The following VPS13D variants were observed in gnomAD, a reference collection of about 807,000 sequenced individuals.
VPS13D encodes the protein vacuolar protein sorting 13 homolog D, also known as intermembrane lipid transfer protein VPS13D.
Under a neutral mutation model 461.9 loss-of-function variants are expected in VPS13D, and 187 were observed. The observed-to-expected ratio is 0.40, with a 90% confidence interval of 0.36 to 0.46. The LOEUF is 0.46. VPS13D is among the 20% of genes least tolerant of loss of function. VPS13D has a pLI of 0.60. For synonymous variants in VPS13D, 1,951 were observed against 1,986.3 expected (o/e 0.98, Z 0.47); for missense variants, 4,711 against 5,364.9 (o/e 0.88, Z 3.81).
intron 13 of VPS13D, among the ~76,000 whole-genome samples, chr1:12,265,602 C>G (rs753195720): frequency 6.6e-6 from 1 of 152,146 alleles, no homozygotes; most frequent in Non-Finnish European, 1.5e-5. Flanking sequence ...GTCAAAATAT[C>G]AGCATTAACA....
intron 66 of VPS13D, among the ~76,000 whole-genome samples, chr1:12,458,699 G>T (rs879533498): frequency 1.4e-4 from 22 of 152,150 alleles, no homozygotes; most frequent in Non-Finnish European, 2.6e-4. Flanking sequence ...TCTCACTAGA[G>T]CTGAAGAGTC....
chr1:12,234,051 C>T (rs1000952207), intron 1 of VPS13D, 140 bp from the exon 2 acceptor site: 6 of 411,520 alleles, frequency 1.5e-5, no homozygotes, highest in Non-Finnish European at 2.7e-5. Flanking sequence ...TGTCTCAAAA[C>T]AAAAACAAAA....
chr1:12,340,990 C>T (rs1643556185), intron 40 of VPS13D, among the ~76,000 whole-genome samples: 1 of 152,232 alleles, frequency 6.6e-6, no homozygotes, highest in Non-Finnish European at 1.5e-5. Context: ...GCCAAAGCAG[C>T]TGGGGCACCA....
intron 67 of VPS13D, among the ~76,000 whole-genome samples, chr1:12,490,999 A>T (rs115801236): frequency 2.0e-5 from 3 of 152,332 alleles, no homozygotes; most frequent in African/African-American, 7.2e-5. Flanking sequence ...TCTTAGAGAA[A>T]TGACAAATGT....
chr1:12,341,951 T>C, intron 41 of VPS13D, 66 bp downstream of exon 41: 2 of 1,473,040 alleles, frequency 1.4e-6, no homozygotes, highest in Non-Finnish European at 1.9e-6. Flanking sequence ...GCCAGCCCAG[T>C]AGAGCAAGGT....
chr1:12,238,608 C>T (rs759599385), intron 2 of VPS13D, among the ~76,000 whole-genome samples: 2 of 150,908 alleles, frequency 1.3e-5, no homozygotes, highest in Non-Finnish European at 2.9e-5. Context: ...CACAGTAGGA[C>T]CACACTAAAT....
chr1:12,484,663 G>A (rs1459375196), intron 67 of VPS13D, among the ~76,000 whole-genome samples: 1 of 152,216 alleles, frequency 6.6e-6, no homozygotes, highest in Non-Finnish European at 1.5e-5. Context: ...TGCAGCTGTA[G>A]AGACATAGCG....
intron 50 of VPS13D, among the ~76,000 whole-genome samples, chr1:12,359,987 T>C (rs563029868): frequency 3.9e-5 from 6 of 152,276 alleles, no homozygotes; most frequent in South Asian, 2.1e-4. Flanking sequence ...TTGGGACAAA[T>C]TGGGATGGGA....
rs1218429392 is a variant in VPS13D, at chr1:12,495,641, G to A, written c.12663-1859G>A. Among the ~76,000 whole-genome samples the A allele has an allele frequency of 6.6e-6, 1 of 152,184 alleles. No individual in the cohort carries two copies. Among genetic ancestry groups the A allele is most frequent in the Non-Finnish European group, 1.5e-5 (1 of 68,034 alleles). ...GATATATATTGAATTTGAGCCTGCA[G>A]GCCTCCCAGTTGATTGGGGAAGATA... On this transcript the variant is annotated intron_variant, in intron 67 of 69. Transcript: ENST00000620676. This position sits in a 1 kb window ranked among gnomAD's most constrained non-coding sequence, Gnocchi z 4.0.
chr1:12,506,610 G>A (rs1646111504), intron 68 of VPS13D, among the ~76,000 whole-genome samples: 2 of 152,210 alleles, frequency 1.3e-5, no homozygotes, highest in Admixed American at 1.3e-4. Flanking sequence ...GAAAGGCATC[G>A]TGTTTTCTGT....
In VPS13D at chr1:12,276,181, A is replaced by G. The variant is rs1383958401; in HGVS notation, c.2593A>G (p.Thr865Ala). 4 of 1,614,028 alleles carry G rather than the reference A, an allele frequency of 2.5e-6. No individual in the cohort carries two copies. Among genetic ancestry groups the G allele is most frequent in the African/African-American group, 2.7e-5 (2 of 74,916 alleles). ...HLQLERRLIY[T>A]SDPKYPGAVL... ...ACAGTTAGAGCGTCGATTGATTTAT[A>G]CTTCAGATCCCAAATATCCAGGAGC... The change falls in exon 19 of 70, where the codon ACT (threonine) becomes GCT (alanine). Residue 865 changes from threonine to alanine, a missense_variant. Physicochemically the swap from Thr to Ala is moderately conservative, Grantham distance 58. Coordinates refer to ENST00000620676, the MANE Select transcript of VPS13D (RefSeq NM_015378.4). This position sits in a 1 kb window ranked among gnomAD's most constrained non-coding sequence, Gnocchi z 4.5.
At chr1:12,294,166 A>G (rs917415730) in intron 24 of VPS13D, among the ~76,000 whole-genome samples, 1 of 152,272 alleles carries the variant, frequency 6.6e-6, no homozygotes, top group African/African-American at 2.4e-5. Context: ...CAACAAGTAC[A>G]TATGTCCTAA....
intron 65 of VPS13D, among the ~76,000 whole-genome samples, chr1:12,431,507 G>A (rs1380467854): frequency 6.6e-6 from 1 of 150,728 alleles, no homozygotes; most frequent in African/African-American, 2.4e-5. Context: ...CTGCTTGGTA[G>A]GAGTGAGGGG....
chr1:12,498,793 C>A (rs572788670), intron 68 of VPS13D, among the ~76,000 whole-genome samples: 1 of 152,108 alleles, frequency 6.6e-6, no homozygotes, highest in Non-Finnish European at 1.5e-5. Flanking sequence ...CACTGTGTCC[C>A]CACATTGCAG....
At chr1:12,355,744 A>G (rs972620055) in intron 47 of VPS13D, among the ~76,000 whole-genome samples, 155 bp from the exon 48 acceptor site, 1 of 151,986 alleles carries the variant, frequency 6.6e-6, no homozygotes, top group Admixed American at 6.6e-5. Context: ...ATTGATCCCT[A>G]CCCTAGCTAG....
At chr1:12,448,747 G>A (rs186813319) in intron 65 of VPS13D, among the ~76,000 whole-genome samples, 227 of 152,188 alleles carry the variant, frequency 1.5e-3, no homozygotes, top group African/African-American at 5.1e-3. Flanking sequence ...TTATTTCTGC[G>A]GTTTTTACTT....
intron 60 of VPS13D, among the ~76,000 whole-genome samples, chr1:12,397,213 C>T (rs1570091016): frequency 1.3e-5 from 2 of 152,104 alleles, no homozygotes; most frequent in Non-Finnish European, 2.9e-5. Context: ...GGATTACAGG[C>T]GTGAGCCACC....
chr1:12,496,828 C>T (rs574389028), intron 67 of VPS13D, among the ~76,000 whole-genome samples: 1 of 152,280 alleles, frequency 6.6e-6, no homozygotes, highest in African/African-American at 2.4e-5. Context: ...GAGTTAGAGC[C>T]TCTGCAGAAT....
chr1:12,299,795 T>C lies in VPS13D; in HGVS notation c.6216+411T>C, dbSNP rs1642369171. 6.6e-6 allele frequency among the ~76,000 whole-genome samples: 1 copy of C among 152,144 alleles called. No individual in the cohort carries two copies. The highest frequency in any genetic ancestry group is 1.5e-5 in the Non-Finnish European group (1 of 68,012). On this transcript the variant is annotated intron_variant, in intron 25 of 69. Transcript: ENST00000620676. This position sits in a 1 kb window ranked among gnomAD's most constrained non-coding sequence, Gnocchi z 4.2. The stretch of plus-strand genomic sequence containing the variant: ...AAACGTTTTAGACTCTGTGGCTTTT[T>C]TCAGAGGACGTGATTGGCCCGTGGT...
Sources: gnomAD v4.1 joint callset for allele counts (sites outside exome capture counted in the v4.1 genomes callset) on GRCh38, gnomAD v4.1.1 for gene constraint, Gnocchi (gnomAD v3.1) non-coding constraint, MANE v1.5 for transcripts, NCBI Gene and HGNC (gene_info 2026-07-23, HGNC 2026-07-21) for gene names.